The following CHLSN variants were observed in gnomAD, a reference collection of about 807,000 sequenced individuals.
CHLSN encodes the protein protein cholesin.
the CHLSN span, among the ~76,000 whole-genome samples, chr7:1,132,351 C>T: frequency 4.6e-5 from 7 of 152,150 alleles, no homozygotes; most frequent in African/African-American, 1.7e-4. Context: ...AGTTCCAGAC[C>T]AGTCCCGGCC....
At chr7:1,113,396 G>C in the CHLSN span, among the ~76,000 whole-genome samples, 1 of 152,222 alleles carries the variant, frequency 6.6e-6, no homozygotes, top group Non-Finnish European at 1.5e-5. Flanking sequence ...CCGGGCAGCA[G>C]CAGCTGCTCC....
chr7:1,020,236 C>G, the CHLSN span, among the ~76,000 whole-genome samples: 1 of 152,208 alleles, frequency 6.6e-6, no homozygotes, highest in Admixed American at 6.5e-5. Context: ...GTCCTGTGAA[C>G]ACGCGCTGCA....
At chr7:1,008,556 C>T in the CHLSN span, among the ~76,000 whole-genome samples, 19 of 152,142 alleles carry the variant, frequency 1.2e-4, no homozygotes, top group African/African-American at 3.6e-4. Flanking sequence ...TGGTTCCAGC[C>T]GGATCCACCC....
the CHLSN span, among the ~76,000 whole-genome samples, chr7:1,125,652 A>G: frequency 6.6e-6 from 1 of 152,276 alleles, no homozygotes; most frequent in African/African-American, 2.4e-5. Context: ...CATCTATGTC[A>G]GCAAGGGCGC....
the CHLSN span, chr7:1,023,018 G>C: frequency 2.2e-6 from 1 of 459,082 alleles, no homozygotes; most frequent in Admixed American, 2.3e-5. The surrounding 1 kb of genome is among the most constrained non-coding windows in gnomAD (Gnocchi z 5.0). Flanking sequence ...AGGGAGAGCG[G>C]CCGCCCCGCC....
chr7:1,070,733 CGCACATATGCACACAACGCACGCAGACAT>C, the CHLSN span, among the ~76,000 whole-genome samples: 3 of 150,878 alleles, frequency 2.0e-5, no homozygotes, highest in Middle Eastern at 3.4e-3. Flanking sequence ...CACACATGCA[CGCACATATGCACACAACGCACGCAGACAT>C]ACACATGCAC....
At chr7:1,091,717 C>A in the CHLSN span, 6 of 1,507,824 alleles carry the variant, frequency 4.0e-6, no homozygotes, top group Admixed American at 2.3e-5. Flanking sequence ...GAAAGCTGCA[C>A]GGTGCAGAGA....
At chr7:1,136,309 T>C in the CHLSN span, among the ~76,000 whole-genome samples, 4 of 115,112 alleles carry the variant, frequency 3.5e-5, no homozygotes, top group Non-Finnish European at 4.8e-5. Flanking sequence ...CATATATAAA[T>C]ATATATAAAC....
chr7:1,133,824 A>C, the CHLSN span, among the ~76,000 whole-genome samples: 1 of 151,042 alleles, frequency 6.6e-6, no homozygotes, highest in East Asian at 1.9e-4. Flanking sequence ...ATCATTTGCT[A>C]TAATGTTTGT....
the CHLSN span, among the ~76,000 whole-genome samples, chr7:1,009,295 C>T: frequency 2.6e-5 from 4 of 152,156 alleles, no homozygotes; most frequent in African/African-American, 7.2e-5. Context: ...ACGTGGACGC[C>T]GTGACACCCC....
the CHLSN span, chr7:1,092,785 C>A: frequency 6.2e-7 from 1 of 1,613,638 alleles, no homozygotes; most frequent in Non-Finnish European, 8.5e-7. Context: ...CCGCTTCTGT[C>A]ACGCTGCCCT....
the CHLSN span, chr7:985,190 T>C: frequency 6.4e-7 from 1 of 1,568,992 alleles, no homozygotes; most frequent in Admixed American, 1.9e-5. Flanking sequence ...CTGGCCCTAC[T>C]GGGCTGGGCT....
the CHLSN span, among the ~76,000 whole-genome samples, chr7:994,226 C>A: frequency 6.6e-6 from 1 of 152,166 alleles, no homozygotes; most frequent in African/African-American, 2.4e-5. Flanking sequence ...GGCACGATCT[C>A]GGCTCACTGC....
the CHLSN span, among the ~76,000 whole-genome samples, chr7:1,054,254 A>G: frequency 6.6e-6 from 1 of 152,264 alleles, no homozygotes; most frequent in Non-Finnish European, 1.5e-5. Context: ...CGGAGAGTGA[A>G]GGAAAACAGG....
the CHLSN span, among the ~76,000 whole-genome samples, chr7:1,037,615 G>A: frequency 2.8e-5 from 4 of 144,500 alleles, 1 homozygote; most frequent in African/African-American, 9.9e-5. Flanking sequence ...CCTCCCAGCC[G>A]CCTGCCTTGG....
the CHLSN span, chr7:983,318 G>A: frequency 7.8e-6 from 12 of 1,539,546 alleles, no homozygotes; most frequent in East Asian, 1.7e-4. Flanking sequence ...CCGGGGCCTC[G>A]CCCGCTGCCG....
the CHLSN span, among the ~76,000 whole-genome samples, chr7:1,134,075 G>C: frequency 6.6e-6 from 1 of 152,032 alleles, no homozygotes. Context: ...GGGATTGCAG[G>C]CGTGAGCCAC....
At chr7:1,129,579 G>A in the CHLSN span, among the ~76,000 whole-genome samples, 1 of 152,212 alleles carries the variant, frequency 6.6e-6, no homozygotes, top group Non-Finnish European at 1.5e-5. Context: ...CTGAGCAGCT[G>A]TAACCACAGG....
At chr7:1,054,177 C>T in the CHLSN span, among the ~76,000 whole-genome samples, 1 of 152,230 alleles carries the variant, frequency 6.6e-6, no homozygotes, top group African/African-American at 2.4e-5. Context: ...CAGGTAATGC[C>T]TGGTAAAAGG....
Sources: allele counts gnomAD v4.1 joint callset (sites outside exome capture counted in the v4.1 genomes callset), GRCh38; gene constraint gnomAD v4.1.1; non-coding constraint Gnocchi (gnomAD v3.1); transcripts MANE v1.5; gene names NCBI Gene and HGNC (gene_info 2026-07-23, HGNC 2026-07-21).